The following SULF2 variants were observed in gnomAD, a reference collection of about 807,000 sequenced individuals.
SULF2 encodes the protein extracellular sulfatase Sulf-2.
SULF2 carries 52 observed loss-of-function variants against 107.7 expected under a neutral mutation model. That is an observed-to-expected ratio of 0.48 (90% CI 0.39 to 0.61). SULF2 has a LOEUF of 0.61. SULF2 is among the 20% of genes least tolerant of loss of function. SULF2 has a pLI of 0.00. For missense variants in SULF2, 993 were observed against 1,177.3 expected (o/e 0.84, Z 2.29); for synonymous variants, 460 against 464.3 (o/e 0.99, Z 0.12).
At chr20:47,668,755 G>A (rs1001310979) in intron 11 of SULF2, among the ~76,000 whole-genome samples, 3 of 152,168 alleles carry the variant, frequency 2.0e-5, no homozygotes, top group South Asian at 4.1e-4. Flanking sequence ...CTCACCTAAG[G>A]TGACAACCCT....
At chr20:47,673,625 C>T (rs374909794) in intron 10 of SULF2, among the ~76,000 whole-genome samples, 3 of 152,202 alleles carry the variant, frequency 2.0e-5, no homozygotes, top group Non-Finnish European at 4.4e-5. Context: ...GCATTCACAG[C>T]GCCCTGCCAC....
At chr20:47,705,455 G>A (rs1424949769) in intron 3 of SULF2, among the ~76,000 whole-genome samples, 1 of 152,232 alleles carries the variant, frequency 6.6e-6, no homozygotes, top group African/African-American at 2.4e-5. Flanking sequence ...CTAGGTGTCA[G>A]GGAGTAACTG....
At chr20:47,679,781 G>T (rs539747114) in intron 7 of SULF2, among the ~76,000 whole-genome samples, 1 of 152,290 alleles carries the variant, frequency 6.6e-6, no homozygotes, top group African/African-American at 2.4e-5. Flanking sequence ...CATGTGTGTT[G>T]TCTTAAGCTG....
At chr20:47,672,666 G>T (rs189829703) in intron 10 of SULF2, 151 of 490,750 alleles carry the variant, frequency 3.1e-4, no homozygotes, top group Middle Eastern at 2.1e-3. Flanking sequence ...CACCCACATG[G>T]CAGCTAGAGG....
intron 1 of SULF2, among the ~76,000 whole-genome samples, chr20:47,762,013 C>G (rs941637587): frequency 6.6e-6 from 1 of 152,204 alleles, no homozygotes; most frequent in Non-Finnish European, 1.5e-5. Context: ...TTTTGTCTGC[C>G]ATCACATAAG....
At chr20:47,665,106 A>G (rs1472856142) in intron 14 of SULF2, 93 bp downstream of exon 14, 60 of 844,322 alleles carry the variant, frequency 7.1e-5, no homozygotes, top group Non-Finnish European at 1.2e-4. Flanking sequence ...AGATAAAAAT[A>G]AAAAATGAAA....
chr20:47,745,400 AAAAAAAAAAAATAT>A (rs2089995963), intron 2 of SULF2, among the ~76,000 whole-genome samples: 4 of 30,544 alleles, frequency 1.3e-4, no homozygotes, highest in Non-Finnish European at 1.9e-4. Flanking sequence ...AAAAAAAAAA[AAAAAAAAAAAATAT>A]ATATATATAT....
intron 14 of SULF2, 59 bp from the exon 15 acceptor site, chr20:47,664,248 G>A (rs1359593977): frequency 6.5e-7 from 1 of 1,533,352 alleles, no homozygotes; most frequent in African/African-American, 1.4e-5. Flanking sequence ...TCCGCTGGCA[G>A]GTGCAAGCTG....
chr20:47,710,181 C>T (rs938118870), intron 3 of SULF2, among the ~76,000 whole-genome samples: 5 of 152,134 alleles, frequency 3.3e-5, no homozygotes, highest in African/African-American at 9.7e-5. Context: ...GAATTACAGG[C>T]GTGAGCCACC....
chr20:47,710,994 T>C (rs2088908812), intron 3 of SULF2, among the ~76,000 whole-genome samples: 1 of 152,194 alleles, frequency 6.6e-6, no homozygotes, highest in South Asian at 2.1e-4. Flanking sequence ...GAAAGCTGTG[T>C]CTCGTGGCGA....
At chr20:47,726,904 T>A (rs1456757804) in intron 3 of SULF2, among the ~76,000 whole-genome samples, 1 of 152,120 alleles carries the variant, frequency 6.6e-6, no homozygotes, top group Admixed American at 6.5e-5. Flanking sequence ...AGGTGGAGAT[T>A]CCTTGAGAGA....
At chr20:47,662,003 C>T in intron 17 of SULF2, 107 bp from the exon 18 acceptor site, 1 of 1,225,946 alleles carries the variant, frequency 8.2e-7, no homozygotes, top group Non-Finnish European at 1.1e-6. Flanking sequence ...GTGGAAGGTG[C>T]TAGGGGCTGG....
chr20:47,778,916 A>G (rs2090772406), intron 1 of SULF2, among the ~76,000 whole-genome samples: 1 of 152,200 alleles, frequency 6.6e-6, no homozygotes, highest in African/African-American at 2.4e-5. Flanking sequence ...GCTTAAAATA[A>G]CATCAATATG....
At chr20:47,725,555 G>A (rs533361009) in intron 3 of SULF2, among the ~76,000 whole-genome samples, 1 of 152,314 alleles carries the variant, frequency 6.6e-6, no homozygotes, top group Admixed American at 6.5e-5. Context: ...AGGGGGCGGT[G>A]TGCTCCCTTG....
intron 3 of SULF2, among the ~76,000 whole-genome samples, chr20:47,731,192 T>C (rs1227465771): frequency 9.9e-6 from 1 of 101,022 alleles, no homozygotes; most frequent in African/African-American, 3.8e-5. Context: ...CTTCTCTTTT[T>C]TTTTTTTTTT....
chr20:47,695,214 TTATG>T (rs1411443892), intron 4 of SULF2, among the ~76,000 whole-genome samples: 6 of 152,180 alleles, frequency 3.9e-5, no homozygotes, highest in African/African-American at 1.2e-4. Flanking sequence ...CAGTAAAGCT[TTATG>T]TATGGATGCA....
chr20:47,777,223 G>C (rs370903133), intron 1 of SULF2, among the ~76,000 whole-genome samples: 8 of 152,342 alleles, frequency 5.3e-5, no homozygotes, highest in East Asian at 3.9e-4. Context: ...CCGAAGCATA[G>C]GAAGGAGCCA....
At chr20:47,766,943 T>G (rs1241079958) in intron 1 of SULF2, among the ~76,000 whole-genome samples, 3 of 130,344 alleles carry the variant, frequency 2.3e-5, no homozygotes, top group Non-Finnish European at 5.0e-5. Flanking sequence ...TGTTTCATGA[T>G]CAGTAGAAAA....
rs971122043 is a variant in SULF2, at chr20:47,777,214, C to T, written c.-101+8129G>A. Among the ~76,000 whole-genome samples, 16 of 152,274 alleles carry T rather than the reference C, an allele frequency of 1.1e-4. No homozygotes were observed. The East Asian group carries it at 1.7e-3, about 17-fold the overall frequency. ...GGGAGGTGACATTTCAGCTGAGATC[C>T]GAAGCATAGGAAGGAGCCAGGTCCT... On this transcript the variant is annotated intron_variant, in intron 1 of 20. Transcript: ENST00000688720.
Sources: allele counts gnomAD v4.1 joint callset (sites outside exome capture counted in the v4.1 genomes callset), GRCh38; gene constraint gnomAD v4.1.1; transcripts MANE v1.5; gene names NCBI Gene and HGNC (gene_info 2026-07-23, HGNC 2026-07-21).